Variants in SIK3 observed in about 807,000 individuals in gnomAD.
SIK3 encodes SIK family kinase 3.
A neutral mutation model predicts 144.2 loss-of-function variants in SIK3; 28 were observed. That is an observed-to-expected ratio of 0.19 (90% CI 0.14 to 0.27). The LOEUF (loss-of-function observed/expected upper bound fraction) is 0.27. SIK3 is among the 10% of genes least tolerant of loss of function. The pLI, the probability that SIK3 is intolerant of heterozygous loss-of-function variation, is 1.00. For synonymous variants in SIK3, 686 were observed against 676.3 expected (o/e 1.01, Z -0.22); for missense variants, 1,319 against 1,776.0 (o/e 0.74, Z 4.62).
intron 21 of SIK3, among the ~76,000 whole-genome samples, chr11:116,852,060 A>T (rs990163545): frequency 4.6e-5 from 7 of 152,210 alleles, no homozygotes; most frequent in Admixed American, 1.3e-4. Context: ...GACAAACATG[A>T]GCGCTCTCCT....
At chr11:116,999,679 C>G (rs930702924) in intron 1 of SIK3, among the ~76,000 whole-genome samples, 1 of 152,198 alleles carries the variant, frequency 6.6e-6, no homozygotes, top group Non-Finnish European at 1.5e-5. Flanking sequence ...CCCACCTCAG[C>G]CTTCCAAAGT....
chr11:116,988,271 A>G (rs537289499), intron 1 of SIK3, among the ~76,000 whole-genome samples: 57 of 152,108 alleles, frequency 3.7e-4, no homozygotes, highest in Non-Finnish European at 7.8e-4. Flanking sequence ...CTGTAGTCCC[A>G]GCTACTAGGG....
At chr11:116,880,141 AAAC>A (rs1423568849) in intron 6 of SIK3, among the ~76,000 whole-genome samples, 3 of 152,186 alleles carry the variant, frequency 2.0e-5, no homozygotes, top group African/African-American at 7.2e-5. Context: ...CCTTAAAAGC[AAAC>A]AACAATAACA....
At chr11:116,939,283 G>A (rs1948156854) in intron 3 of SIK3, among the ~76,000 whole-genome samples, 1 of 152,176 alleles carries the variant, frequency 6.6e-6, no homozygotes, top group Non-Finnish European at 1.5e-5. Context: ...AAGTAGCTGG[G>A]ACTACAGGTG....
At chr11:116,958,354 C>T (rs923340105) in intron 1 of SIK3, among the ~76,000 whole-genome samples, 3 of 152,008 alleles carry the variant, frequency 2.0e-5, no homozygotes, top group African/African-American at 7.3e-5. Context: ...AAATGAGGAC[C>T]CACGGGAGAA....
intron 1 of SIK3, among the ~76,000 whole-genome samples, chr11:117,081,827 A>G (rs1240612025): frequency 6.6e-6 from 1 of 152,220 alleles, no homozygotes; most frequent in African/African-American, 2.4e-5. Flanking sequence ...GCTGCAAACA[A>G]CACTACCAAG....
chr11:117,006,834 T>C (rs1951067070), intron 1 of SIK3, among the ~76,000 whole-genome samples: 4 of 152,094 alleles, frequency 2.6e-5, no homozygotes, highest in East Asian at 1.9e-4. Context: ...ATAATGAAAA[T>C]AGTAACTTTC....
intron 1 of SIK3, among the ~76,000 whole-genome samples, chr11:116,998,514 A>C (rs899567173): frequency 1.3e-5 from 2 of 151,922 alleles, no homozygotes; most frequent in East Asian, 3.9e-4. Flanking sequence ...TCTTGGAAAA[A>C]TATCTGAAAT....
At chr11:117,016,323 GA>G (rs377283819) in intron 1 of SIK3, among the ~76,000 whole-genome samples, 4,345 of 100,292 alleles carry the variant, frequency 0.043, 187 homozygotes, top group African/African-American at 0.1. Flanking sequence ...GAGACTCTGC[GA>G]AAAAAAAAGG....
intron 16 of SIK3, among the ~76,000 whole-genome samples, chr11:116,862,571 G>A (rs540888359): frequency 2.0e-5 from 3 of 152,372 alleles, no homozygotes; most frequent in African/African-American, 7.2e-5. Context: ...AGTGTCCAAT[G>A]TGAAATCTGT....
intron 1 of SIK3, among the ~76,000 whole-genome samples, chr11:116,999,340 T>C (rs1950774141): frequency 6.6e-6 from 1 of 152,234 alleles, no homozygotes. Flanking sequence ...CAACTACGGT[T>C]GTAAACTTAA....
At chr11:116,897,138 G>A (rs1945453781) in intron 5 of SIK3, 55 bp downstream of exon 5, 2 of 1,573,484 alleles carry the variant, frequency 1.3e-6, no homozygotes, top group Admixed American at 3.6e-5. Flanking sequence ...GCGAATAGCT[G>A]TCATCAACCA....
chr11:117,021,949 A>C lies in SIK3; in HGVS notation c.274-64885T>G, dbSNP rs1310056310. 6.2e-4 allele frequency among the ~76,000 whole-genome samples: 82 copies of C among 131,740 alleles called. 1 individual carries two copies. The highest frequency in any genetic ancestry group is 1.3e-3 in the South Asian group (6 of 4,452). 86.4% of individuals were successfully genotyped at this position (131,740 alleles called of 152,430 possible). On this transcript the variant is annotated intron_variant, in intron 1 of 24. Transcript: ENST00000445177. Reference sequence around the variant, plus strand: ...TCTACAAAAAAAAAAAAAAAAAAAAAAAAAAAAAAAAACCTAAAAATAACA... The same window carrying C: ...TCTACAAAAAAAAAAAAAAAAAAAACAAAAAAAAAAAACCTAAAAATAACA...
chr11:116,963,473 G>A (rs1380296595), intron 1 of SIK3, among the ~76,000 whole-genome samples: 1 of 152,192 alleles, frequency 6.6e-6, no homozygotes, highest in South Asian at 2.1e-4. Flanking sequence ...TTGGTCATCA[G>A]AGCAATTGCA....
intron 1 of SIK3, among the ~76,000 whole-genome samples, chr11:116,965,486 A>G (rs1949494952): frequency 6.6e-6 from 1 of 151,762 alleles, no homozygotes; most frequent in African/African-American, 2.4e-5. Flanking sequence ...TCAGGTGTTT[A>G]TTTCAGATTA....
chr11:117,004,269 T>A (rs933261851), intron 1 of SIK3, among the ~76,000 whole-genome samples: 2 of 152,238 alleles, frequency 1.3e-5, no homozygotes, highest in Non-Finnish European at 2.9e-5. Flanking sequence ...AATCCCAGCA[T>A]GTTGCGAGGC....
rs1942278592 is a variant in SIK3, at chr11:116,849,685, G to C, written c.3656-402C>G. Among the ~76,000 whole-genome samples the C allele has an allele frequency of 6.6e-6, 1 of 152,044 alleles. No individual in the cohort carries two copies. The highest frequency in any genetic ancestry group is 2.1e-4 in the South Asian group (1 of 4,824). ...TGGCTGCGTCCTCTCTCCTCCCCCG[G>C]TGACCTCAGTGTACCACGCTGCTAC... On this transcript the variant is annotated intron_variant, in intron 21 of 24. Transcript: ENST00000445177. The surrounding 1 kb of genome is among the most constrained non-coding windows in gnomAD (Gnocchi z 4.2).
intron 4 of SIK3, among the ~76,000 whole-genome samples, chr11:116,910,133 C>G (rs984294382): frequency 7.2e-5 from 11 of 152,100 alleles, no homozygotes; most frequent in African/African-American, 2.4e-4. Context: ...TCTCAGTAAC[C>G]CATATTAGTA....
chr11:116,887,964 G>A (rs1944912727), intron 6 of SIK3, among the ~76,000 whole-genome samples: 1 of 152,138 alleles, frequency 6.6e-6, no homozygotes, highest in African/African-American at 2.4e-5. Flanking sequence ...AACAACACCA[G>A]GCATAGAAAT....
Sources: gnomAD v4.1 joint callset for allele counts (sites outside exome capture counted in the v4.1 genomes callset) on GRCh38, gnomAD v4.1.1 for gene constraint, Gnocchi (gnomAD v3.1) non-coding constraint, MANE v1.5 for transcripts, NCBI Gene and HGNC (gene_info 2026-07-23, HGNC 2026-07-21) for gene names.